CPA1: variants seen among roughly 807,000 people sequenced by gnomAD.
The protein encoded by CPA1 is carboxypeptidase A1 (pancreatic).
Under a neutral mutation model 48.7 loss-of-function variants are expected in CPA1, and 42 were observed. That is an observed-to-expected ratio of 0.86 (90% CI 0.67 to 1.11). CPA1 has a LOEUF of 1.11. Ranked by LOEUF, CPA1 falls within the 50% of genes most tolerant of loss-of-function variation. CPA1 has a pLI of 0.00. For missense variants in CPA1, 477 were observed against 544.7 expected (o/e 0.88, Z 1.24); for synonymous variants, 203 against 217.9 (o/e 0.93, Z 0.60).
rs1300476131 is a variant in CPA1, at chr7:130,388,005, C to T, written c.1254C>T (p.Pro418=). 6.2e-7 allele frequency: 1 copy of T among 1,614,108 alleles called. No individual in the cohort carries two copies. The highest frequency in any genetic ancestry group is 8.5e-7 in the Non-Finnish European group (1 of 1,180,014). ...LTIMEHTLNH[P]Y is the part of the protein sequence containing the mutation. ...TCATGGAGCACACCCTGAATCACCC[C>T]TACTGAGCTGACCCTTTGACACCCT... Residue 418 remains proline (P), a synonymous_variant, in exon 10 of 10, where the codon CCC becomes CCT. Coordinates refer to ENST00000011292, the MANE Select transcript of CPA1 (RefSeq NM_001868.4).
rs200317425 is a variant in CPA1, at chr7:130,383,401, G to T, written c.494G>T (p.Gly165Val). 2 of 1,613,934 alleles carry T rather than the reference G, an allele frequency of 1.2e-6. No individual in the cohort carries two copies. Among genetic ancestry groups the T allele is most frequent in the African/African-American group, 2.7e-5 (2 of 74,920 alleles). Residue 165 changes from glycine (G) to valine (V), a missense_variant, in exon 5 of 10, where the codon GGG becomes GTG. By Grantham distance (109) the Gly-to-Val change is moderately radical. Transcript: ENST00000011292. ...RPIYVLKFST[G>V]GSKRPAIWID... ...CTGCCTCCTCTCCAGTTCAGCACGGGGGGCAGTAAGCGTCCAGCCATCTGG... is the reference window on the plus strand; with the variant it reads ...CTGCCTCCTCTCCAGTTCAGCACGGTGGGCAGTAAGCGTCCAGCCATCTGG...
rs201332778 is a variant in CPA1, at chr7:130,381,679, G to A, written c.197G>A (p.Arg66Gln). The change falls in exon 3 of 10, where the codon CGA (arginine) becomes CAA (glutamine). Residue 66 changes from arginine to glutamine, a missense_variant. Physicochemically the swap from Arg to Gln is conservative, Grantham distance 43. Transcript: ENST00000011292. The stretch of plus-strand genomic sequence containing the variant: ...CACCCTGGCTCCCCCATCGACGTCC[G>A]AGTGCCCTTCCCCAGCATCCAGGCG... ...PAHPGSPIDVRVPFPSIQAVK... is the reference protein window; with the variant it reads ...PAHPGSPIDVQVPFPSIQAVK... The A allele has an allele frequency of 2.1e-5, 34 of 1,613,888 alleles. No homozygotes were observed. Among genetic ancestry groups the A allele is most frequent in the African/African-American group, 4.0e-5 (3 of 74,920 alleles).
At position 130,387,946 on chromosome 7, in the gene CPA1, A is replaced by AC; in HGVS notation, c.1196dup (p.Ala400SerfsTer23). 1 of 1,614,062 alleles carries AC rather than the reference A, an allele frequency of 6.2e-7. No homozygotes were observed. Among genetic ancestry groups the AC allele is most frequent in the Non-Finnish European group, 8.5e-7 (1 of 1,180,004 alleles). On this transcript the variant is annotated frameshift_variant, in exon 10 of 10. Coordinates refer to ENST00000011292, the MANE Select transcript of CPA1 (RefSeq NM_001868.4). LOFTEE classifies it high-confidence loss of function. The surrounding 1 kb of genome is among the most constrained non-coding windows in gnomAD (Gnocchi z 4.6). ...GCTGCCAGCCTCCCAGATCATCCCC[A>AC]CAGCCAAGGAGACGTGGCTGGCGCT...
intron 8 of CPA1, 68 bp from the exon 9 acceptor site, chr7:130,385,771 G>C: frequency 3.0e-6 from 4 of 1,344,780 alleles, no homozygotes; most frequent in Non-Finnish European, 4.2e-6. Flanking sequence ...CCAGCCCCCA[G>C]ACTACCCTGG....
chr7:130,382,498 C>G (rs1554411368), intron 4 of CPA1, among the ~76,000 whole-genome samples: 1 of 152,194 alleles, frequency 6.6e-6, no homozygotes, highest in African/African-American at 2.4e-5. Flanking sequence ...GAGTCTCGCT[C>G]TGTCACCCAG....
Position 130,385,161 on chromosome 7 carries a change from G to A in CPA1, c.803G>A (p.Ser268Asn). 1.2e-6 allele frequency: 2 copies of A among 1,614,208 alleles called. No homozygotes were observed. The highest frequency in any genetic ancestry group is 1.7e-6 in the Non-Finnish European group (2 of 1,180,048). ...DAGFGLSGASSNPCSETYHGK... is the reference protein window; with the variant it reads ...DAGFGLSGASNNPCSETYHGK... ...CCCCCCACAGTGTCCGGAGCCAGCA[G>A]TAACCCCTGCTCGGAGACTTACCAC... The change falls in exon 8 of 10, where the codon AGT becomes AAT. Residue 268 changes from serine (S) to asparagine (N), a missense_variant. By Grantham distance (46) the Ser-to-Asn change is conservative. Coordinates refer to ENST00000011292, the MANE Select transcript of CPA1 (RefSeq NM_001868.4).
Position 130,383,750 on chromosome 7 carries a change from G to A in CPA1, c.652G>A (p.Glu218Lys), listed in dbSNP as rs1554411593. Reference sequence around the variant, plus strand: ...TCTCGACACCTTGGACATCTTCCTGGAGATCGTCACCAACCCTGATGGCTT... The same window carrying A: ...TCTCGACACCTTGGACATCTTCCTGAAGATCGTCACCAACCCTGATGGCTT... ...AILDTLDIFL[E>K]IVTNPDGFAF... is the part of the protein sequence containing the mutation. The change falls in exon 6 of 10, where the codon GAG becomes AAG. Residue 218 changes from glutamate to lysine, a missense_variant. Physicochemically the swap from Glu to Lys is moderately conservative, Grantham distance 56 (BLOSUM62 1). Transcript: ENST00000011292. 1 of 1,614,192 alleles carries A rather than the reference G, an allele frequency of 6.2e-7. No homozygotes were observed. Among genetic ancestry groups the A allele is most frequent in the Admixed American group, 1.7e-5 (1 of 60,024 alleles).
chr7:130,386,115 A>G (rs186183069), intron 9 of CPA1, 192 bp downstream of exon 9: 1 of 553,074 alleles, frequency 1.8e-6, no homozygotes, highest in African/African-American at 1.9e-5. Context: ...ATACTTTCAG[A>G]CAAATGTGAA....
Position 130,385,339 on chromosome 7 carries a change from T to C in CPA1, c.981T>C (p.Asp327=). The part of the protein sequence containing the change: ...GYKTEPVPDQ[D]ELDQLSKAAV... ...AAACAGAACCAGTCCCTGACCAGGA[T>C]GAGCTGGTAGGCACTGACCTCGGCT... is the stretch of plus-strand genomic sequence containing the variant. Residue 327 remains aspartate, a synonymous_variant, in exon 8 of 10, where the codon GAT becomes GAC. Coordinates refer to ENST00000011292, the MANE Select transcript of CPA1 (RefSeq NM_001868.4). The C allele has an allele frequency of 6.2e-7, 1 of 1,614,060 alleles. No homozygotes were observed. The highest frequency in any genetic ancestry group is 8.5e-7 in the Non-Finnish European group (1 of 1,179,950).
Position 130,382,163 on chromosome 7 carries a change from T to C in CPA1, c.437T>C (p.Ile146Thr). The change falls in exon 4 of 10, where the codon ATC becomes ACC. Residue 146 changes from isoleucine to threonine, a missense_variant. Transcript: ENST00000011292. ...GAGAACCCGCACCTTGTCAGCAAGA[T>C]CCAGATTGGCAACACCTATGAAGGG... The part of the protein sequence containing the change: ...VAENPHLVSK[I>T]QIGNTYEGRP... 1 of 1,614,226 alleles carries C rather than the reference T, an allele frequency of 6.2e-7. No homozygotes were observed. Among genetic ancestry groups the C allele is most frequent in the Non-Finnish European group, 8.5e-7 (1 of 1,180,042 alleles).
intron 6 of CPA1, chr7:130,384,260 C>T (rs1321908122): frequency 1.9e-5 from 10 of 532,094 alleles, no homozygotes; most frequent in Non-Finnish European, 3.4e-5. Context: ...ATAGAACCCT[C>T]TGGCCAAATG....
At chr7:130,383,608 G>A (rs1473956934) in intron 5 of CPA1, 76 bp from the exon 6 acceptor site, 3 of 1,420,412 alleles carry the variant, frequency 2.1e-6, no homozygotes, top group Non-Finnish European at 3.0e-6. Flanking sequence ...AGGACATGGG[G>A]AAAGGTGTCC....
chr7:130,383,936 C>T (rs1231860262), intron 6 of CPA1, 142 bp downstream of exon 6: 2 of 686,992 alleles, frequency 2.9e-6, no homozygotes, highest in African/African-American at 3.5e-5. Context: ...GGTGTCTCAA[C>T]AGTGGCGTGA....
intron 4 of CPA1, among the ~76,000 whole-genome samples, chr7:130,382,713 C>T (rs955903502): frequency 9.9e-5 from 14 of 141,140 alleles, no homozygotes; most frequent in African/African-American, 3.2e-4. Flanking sequence ...AGCGTCATCT[C>T]GGCTCACTGA....
chr7:130,382,218 C>A lies in CPA1; in HGVS notation c.483+9C>A. On this transcript the variant is annotated intron_variant, in intron 4 of 9. Transcript: ENST00000011292. ...CCATTTACGTGCTGAAGGTAACATC[C>A]ACATGTGGACATACACAGGGGAGAA... 6.2e-7 allele frequency: 1 copy of A among 1,604,452 alleles called. No individual in the cohort carries two copies.
In CPA1 at chr7:130,383,674, A is replaced by C; in HGVS notation, c.586-10A>C. Reference sequence around the variant, plus strand: ...GCCTGCGCTGCCCCTCTGCTCCTCTAACCCCCCAGATCACTCAAGACTACG... The same window carrying C: ...GCCTGCGCTGCCCCTCTGCTCCTCTCACCCCCCAGATCACTCAAGACTACG... On this transcript the variant is annotated splice_polypyrimidine_tract_variant and intron_variant, in intron 5 of 9. Transcript: ENST00000011292. The C allele has an allele frequency of 1.9e-6, 3 of 1,605,630 alleles. No homozygotes were observed. Among genetic ancestry groups the C allele is most frequent in the Non-Finnish European group, 2.6e-6 (3 of 1,172,328 alleles).
chr7:130,381,875 C>T lies in CPA1; in HGVS notation c.381+12C>T. On this transcript the variant is annotated intron_variant, in intron 3 of 9. Coordinates refer to ENST00000011292, the MANE Select transcript of CPA1 (RefSeq NM_001868.4). ...ACACCCTGGAGGAGGTGAGGGCGCC[C>T]CTAGCGGCCGCTCCCTGCAGCCACC... The T allele has an allele frequency of 1.2e-6, 2 of 1,609,160 alleles. No homozygotes were observed. The highest frequency in any genetic ancestry group is 1.7e-6 in the Non-Finnish European group (2 of 1,177,316).
chr7:130,383,608 G>T (rs1473956934), intron 5 of CPA1, 76 bp from the exon 6 acceptor site: 51 of 1,420,410 alleles, frequency 3.6e-5, no homozygotes, highest in Non-Finnish European at 5.0e-5. Context: ...AGGACATGGG[G>T]AAAGGTGTCC....
At chr7:130,386,392 T>G (rs1476168451) in intron 9 of CPA1, among the ~76,000 whole-genome samples, 1 of 151,106 alleles carries the variant, frequency 6.6e-6, no homozygotes, top group Non-Finnish European at 1.5e-5. Context: ...ATTAGCTGGG[T>G]GTGGTGGTGT....
Sources: gnomAD v4.1 joint callset for allele counts (sites outside exome capture counted in the v4.1 genomes callset) on GRCh38, gnomAD v4.1.1 for gene constraint, Gnocchi (gnomAD v3.1) non-coding constraint, MANE v1.5 for transcripts, NCBI Gene and HGNC (gene_info 2026-07-23, HGNC 2026-07-21) for gene names.